DOCK10: variants seen among roughly 807,000 people sequenced by gnomAD.
DOCK10 encodes the protein dedicator of cytokinesis 10, also known as dedicator of cytokinesis protein 10.
A neutral mutation model predicts 280.1 loss-of-function variants in DOCK10; 145 were observed. The ratio of observed to expected loss-of-function variants is 0.52; its 90% CI spans 0.45 to 0.59. DOCK10 has a LOEUF of 0.59. Ranked by LOEUF, DOCK10 falls within the 20% of genes least tolerant of loss-of-function variation. The probability of loss-of-function intolerance (pLI) is 0.00; values close to 1 mark genes in which losing one functional copy is unlikely to be tolerated. For synonymous variants in DOCK10, 915 were observed against 942.2 expected, an observed-to-expected ratio of 0.97 and a Z score of 0.53; for missense variants, 2,368 against 2,651.7, an observed-to-expected ratio of 0.89 and a Z score of 2.35.
rs1702381318 is a variant in DOCK10 at position 224,931,605 on chromosome 2, T to C, written c.187A>G (p.Thr63Ala). 1.2e-6 allele frequency: 2 copies of C among 1,612,080 alleles called. No homozygotes were observed. The highest frequency in any genetic ancestry group is 1.7e-6 in the Non-Finnish European group (2 of 1,179,072). Residue 63 changes from threonine (T) to alanine (A), a missense_variant, in exon 2 of 56, where the codon ACC (threonine) becomes GCC (alanine). Physicochemically the swap from Thr to Ala is moderately conservative, Grantham distance 58. Coordinates refer to ENST00000258390, the MANE Select transcript of DOCK10 (RefSeq NM_014689.3). Reference protein sequence around the residue: ...YETVIEELEKTYRNDPLQDLL... With the variant: ...YETVIEELEKAYRNDPLQDLL... ...TCTTGAAGAGGATCATTCCGGTAGG[T>C]CTTTTCAAGTTCTTCAATGACAGTC... is the stretch of plus-strand genomic sequence containing the variant.
intron 1 of DOCK10, among the ~76,000 whole-genome samples, chr2:224,952,178 T>C (rs1394120356): frequency 1.3e-5 from 2 of 152,228 alleles, no homozygotes; most frequent in African/African-American, 4.8e-5. Flanking sequence ...CGAAAATTCA[T>C]GTTTGAATAA....
chr2:225,016,608 C>T (rs1212744562), intron 1 of DOCK10, among the ~76,000 whole-genome samples: 29 of 101,364 alleles, frequency 2.9e-4, no homozygotes, highest in African/African-American at 8.9e-4. Context: ...CACATAGATA[C>T]ATATATCTAT....
At chr2:224,769,840 T>A (rs538789049) in intron 55 of DOCK10, among the ~76,000 whole-genome samples, 1 of 152,246 alleles carries the variant, frequency 6.6e-6, no homozygotes, top group Admixed American at 6.5e-5. Flanking sequence ...AACTGTGGAC[T>A]CCACATCATG....
In DOCK10 at chr2:225,039,686, TTCTC is replaced by T. The variant is rs5839087; in HGVS notation, c.123+2562_123+2565del. 4.4e-3 allele frequency among the ~76,000 whole-genome samples: 652 copies of T among 149,718 alleles called. 1 individual carries two copies. The highest frequency in any genetic ancestry group is 0.01 in the African/African-American group (427 of 40,886). ...AAACACATTTTGAAGGCTTCCTGTC[TTCTC>T]TCTCTCTCTCTCTCTCTCTCTCTGT... On this transcript the variant is annotated intron_variant, in intron 1 of 55. Coordinates refer to ENST00000258390, the MANE Select transcript of DOCK10 (RefSeq NM_014689.3).
intron 25 of DOCK10, among the ~76,000 whole-genome samples, chr2:224,837,415 C>G (rs371476089): frequency 6.6e-6 from 1 of 152,204 alleles, no homozygotes; most frequent in Non-Finnish European, 1.5e-5. Flanking sequence ...GAGCATTCAA[C>G]AAACCAACAG....
intron 4 of DOCK10, among the ~76,000 whole-genome samples, chr2:224,889,305 C>T (rs1370877131): frequency 6.6e-6 from 1 of 152,142 alleles, no homozygotes; most frequent in Non-Finnish European, 1.5e-5. Context: ...AATATGCTTA[C>T]CCTCCCTTCA....
chr2:224,913,217 G>C (rs1341912850), intron 3 of DOCK10, among the ~76,000 whole-genome samples: 1 of 152,116 alleles, frequency 6.6e-6, no homozygotes, highest in Non-Finnish European at 1.5e-5. Context: ...AGTTACAGAT[G>C]TGAGTATTTC....
chr2:224,957,290 C>G (rs999828583), intron 1 of DOCK10, among the ~76,000 whole-genome samples: 2 of 146,602 alleles, frequency 1.4e-5, no homozygotes, highest in Admixed American at 6.7e-5. Context: ...TTTCCGCCCC[C>G]CCCCGGCTTT....
chr2:225,033,319 A>G (rs952390996), intron 1 of DOCK10, among the ~76,000 whole-genome samples: 1 of 151,908 alleles, frequency 6.6e-6, no homozygotes, highest in Non-Finnish European at 1.5e-5. Flanking sequence ...AGCAGCTGGG[A>G]CTACAGGTGC....
At chr2:224,985,424 A>G (rs181209081) in intron 1 of DOCK10, among the ~76,000 whole-genome samples, 34 of 151,832 alleles carry the variant, frequency 2.2e-4, no homozygotes, top group Admixed American at 2.1e-3. Context: ...TTCAGCACTT[A>G]TGAAATCTTA....
intron 1 of DOCK10, among the ~76,000 whole-genome samples, chr2:225,038,198 A>C (rs1177588225): frequency 6.6e-6 from 1 of 152,168 alleles, no homozygotes; most frequent in African/African-American, 2.4e-5. Flanking sequence ...CAGCAAAACA[A>C]GTGCTTCACT....
intron 1 of DOCK10, among the ~76,000 whole-genome samples, chr2:225,030,934 A>C (rs1417219177): frequency 6.6e-6 from 1 of 152,204 alleles, no homozygotes; most frequent in East Asian, 1.9e-4. Context: ...CTTTACTGCA[A>C]ACCAGGCCCT....
At position 225,026,757 on chromosome 2, in the gene DOCK10, G is replaced by C. The variant is rs150741506; in HGVS notation, c.123+15495C>G. Among the ~76,000 whole-genome samples, 9 of 152,184 alleles carry C rather than the reference G, an allele frequency of 5.9e-5. No homozygotes were observed. In the South Asian group the frequency reaches 1.2e-3, roughly 21 times the overall value. ...TGAAAGGGTGAAATCACCTAGGGGGGGTTTTGTGGGGAAGGCAGAGAGAAG... is the reference window on the plus strand; with the variant it reads ...TGAAAGGGTGAAATCACCTAGGGGGCGTTTTGTGGGGAAGGCAGAGAGAAG... On this transcript the variant is annotated intron_variant, in intron 1 of 55. Transcript: ENST00000258390.
chr2:224,827,622 A>G, intron 27 of DOCK10, among the ~76,000 whole-genome samples: 1 of 152,192 alleles, frequency 6.6e-6, no homozygotes, highest in Middle Eastern at 3.2e-3. Context: ...GTCAGCTAAC[A>G]AGTTAGTGAC....
intron 1 of DOCK10, among the ~76,000 whole-genome samples, chr2:225,011,143 CAAGT>C (rs1022199112): frequency 5.3e-5 from 8 of 152,120 alleles, no homozygotes; most frequent in South Asian, 2.1e-4. Flanking sequence ...TCACAGCAAG[CAAGT>C]GTTGCCAAAT....
rs1414537543 is a variant in DOCK10, at chr2:224,807,913, G to C, written c.3583C>G (p.Pro1195Ala). 1.9e-6 allele frequency: 3 copies of C among 1,610,132 alleles called. No individual in the cohort carries two copies. The highest frequency in any genetic ancestry group is 2.2e-5 in the East Asian group (1 of 44,804). ...AGGGAGAAAGGAAGATCACTTACTG[G>C]CTCTCTGTATCGATCATCAAATGAA... The part of the protein sequence containing the change: ...KHSFDDRYRE[P>A]RKQAQIASLY... Residue 1195 changes from proline to alanine, a missense_variant and splice_region_variant, in exon 32 of 56, where the codon CCA becomes GCA. By Grantham distance (27) the Pro-to-Ala change is conservative (BLOSUM62 -1). Around this residue, in one of 2 missense-constraint regions of DOCK10, gnomAD observed 1,159 missense variants for 1,400.8 expected, o/e 0.83. Transcript: ENST00000258390.
rs191527350 is a variant in DOCK10, at chr2:224,918,994, G to A, written c.244-2210C>T. ...TGTGGTGTGTGTGTTTGTGGTAAGTGTATGTGTATGTGTGATGTATATACG... is the reference window on the plus strand; with the variant it reads ...TGTGGTGTGTGTGTTTGTGGTAAGTATATGTGTATGTGTGATGTATATACG... On this transcript the variant is annotated intron_variant, in intron 2 of 55. Transcript: ENST00000258390. Among the ~76,000 whole-genome samples, 937 of 146,974 alleles carry A rather than the reference G, an allele frequency of 6.4e-3. 10 individuals carry two copies. Among genetic ancestry groups the A allele is most frequent in the African/African-American group, 0.02 (809 of 39,834 alleles).
rs188356873 is a variant in DOCK10 at position 224,873,553 on chromosome 2, C to A, written c.1257+443G>T. On this transcript the variant is annotated intron_variant, in intron 11 of 55. Coordinates refer to ENST00000258390, the MANE Select transcript of DOCK10 (RefSeq NM_014689.3). The stretch of plus-strand genomic sequence containing the variant: ...CTGAGGCTGCAGTGAGCCGAGACTG[C>A]GCAACTGCACTCCAGCCTGGGCAAC... 5.5e-3 allele frequency among the ~76,000 whole-genome samples: 767 copies of A among 138,376 alleles called. 8 individuals are homozygous for A. The highest frequency in any genetic ancestry group is 0.02 in the African/African-American group (715 of 36,258). The allele number at this position is 138,376 out of a possible 152,430, so 90.8% of individuals were successfully genotyped here. A position where few individuals can be genotyped will look rare whatever the true frequency, so the allele number is the denominator to read the frequency against.
At chr2:224,916,474 G>A (rs1389425540) in intron 3 of DOCK10, among the ~76,000 whole-genome samples, 1 of 151,428 alleles carries the variant, frequency 6.6e-6, no homozygotes, top group African/African-American at 2.4e-5. Context: ...CTGGGAGGCG[G>A]AGGCTGCTGT....
Sources: allele counts gnomAD v4.1 joint callset (sites outside exome capture counted in the v4.1 genomes callset), GRCh38; gene constraint gnomAD v4.1.1; regional missense constraint gnomAD v4.1.1; transcripts MANE v1.5; gene names NCBI Gene and HGNC (gene_info 2026-07-23, HGNC 2026-07-21).